The following FBN2 variants were observed in gnomAD, a reference collection of about 807,000 sequenced individuals.
FBN2 encodes the protein fibrillin-2.
Under a neutral mutation model 355.6 loss-of-function variants are expected in FBN2, and 105 were observed. The ratio of observed to expected loss-of-function variants is 0.30; its 90% confidence interval spans 0.25 to 0.35. The LOEUF (loss-of-function observed/expected upper bound fraction) is 0.35, where lower values mean the gene tolerates loss of function less well. Ranked by LOEUF, FBN2 falls within the 10% of genes least tolerant of loss-of-function variation. The pLI is 1.00. For synonymous variants in FBN2, 1,350 were observed against 1,301.2 expected, an observed-to-expected ratio of 1.04 and a Z score of -0.81; for missense variants, 3,280 against 3,758.7, an observed-to-expected ratio of 0.87 and a Z score of 3.33.
intron 59 of FBN2, among the ~76,000 whole-genome samples, chr5:128,275,119 A>T (rs938349721): frequency 1.3e-5 from 2 of 152,224 alleles, no homozygotes; most frequent in Non-Finnish European, 2.9e-5. Context: ...CATTCAGATG[A>T]AAACACGGGC....
intron 5 of FBN2, among the ~76,000 whole-genome samples, chr5:128,509,428 A>G (rs1017430801): frequency 1.3e-5 from 2 of 152,166 alleles, no homozygotes; most frequent in African/African-American, 4.8e-5. Context: ...TAGAAGTTCA[A>G]TTTGGATTCC....
At chr5:128,452,445 C>A (rs949724410) in intron 6 of FBN2, among the ~76,000 whole-genome samples, 1 of 152,050 alleles carries the variant, frequency 6.6e-6, no homozygotes, top group Admixed American at 6.6e-5. Context: ...TAGTTTATAA[C>A]CTCATTTATT....
At chr5:128,322,909 A>C (rs1233393147) in intron 34 of FBN2, among the ~76,000 whole-genome samples, 1 of 152,116 alleles carries the variant, frequency 6.6e-6, no homozygotes, top group Non-Finnish European at 1.5e-5. Context: ...ATGAGCATGG[A>C]ATGTTTTTCC....
Position 128,338,123 on chromosome 5 carries a change from C to A in FBN2, c.3473-1G>T. ...GGGTTACGTTCACATTCGTCAATGT[C>A]TGAAAGGTAAAAACGTGAGATCCAT... On this transcript the variant is annotated splice_acceptor_variant, in intron 26 of 64. Coordinates refer to ENST00000262464, the MANE Select transcript of FBN2 (RefSeq NM_001999.4). LOFTEE classifies it high-confidence loss of function. The A allele has an allele frequency of 6.2e-7, 1 of 1,613,848 alleles. No individual in the cohort carries two copies. The highest frequency in any genetic ancestry group is 8.5e-7 in the Non-Finnish European group (1 of 1,179,860).
At chr5:128,372,068 G>A (rs373933142) in intron 15 of FBN2, among the ~76,000 whole-genome samples, 2 of 152,004 alleles carry the variant, frequency 1.3e-5, no homozygotes, top group Non-Finnish European at 1.5e-5. Flanking sequence ...AACTTATTGC[G>A]CATTTGCTAT....
In FBN2 at chr5:128,441,159, A is replaced by G. The variant is rs138106761; in HGVS notation, c.952+5322T>C. ...GGGCAGACAGATGATGCTTTTTCCA[A>G]TCACGCAGCTTATAATCTCTACAGC... On this transcript the variant is annotated intron_variant, in intron 7 of 64. Transcript: ENST00000262464. Among the ~76,000 whole-genome samples, 30 of 152,286 alleles carry G rather than the reference A, an allele frequency of 2.0e-4. No homozygotes were observed. The East Asian group carries it at 5.6e-3, about 28-fold the overall frequency.
chr5:128,417,767 A>AT (rs748866385), intron 7 of FBN2, among the ~76,000 whole-genome samples: 4 of 151,580 alleles, frequency 2.6e-5, no homozygotes, highest in African/African-American at 4.9e-5. Context: ...TTTGTTGGGG[A>AT]TTTTTACGTC....
At chr5:128,382,199 A>G (rs1380913385) in intron 11 of FBN2, among the ~76,000 whole-genome samples, 4 of 152,068 alleles carry the variant, frequency 2.6e-5, no homozygotes, top group African/African-American at 9.7e-5. Flanking sequence ...CCCCCCAATT[A>G]CCAAATCCAA....
At chr5:128,480,027 T>TAC (rs1755132997) in intron 5 of FBN2, among the ~76,000 whole-genome samples, 7 of 98,612 alleles carry the variant, frequency 7.1e-5, no homozygotes, top group Non-Finnish European at 1.0e-4. Context: ...TATATATGTA[T>TAC]ATACACACAC....
intron 5 of FBN2, among the ~76,000 whole-genome samples, chr5:128,493,280 G>A (rs996681478): frequency 5.3e-5 from 8 of 152,178 alleles, no homozygotes; most frequent in Non-Finnish European, 7.3e-5. Context: ...GCTATGGGGT[G>A]AAAAGCGAAG....
chr5:128,407,161 T>A (rs1752947191), intron 8 of FBN2, among the ~76,000 whole-genome samples: 1 of 152,148 alleles, frequency 6.6e-6, no homozygotes, highest in African/African-American at 2.4e-5. Flanking sequence ...TAAATGGTAG[T>A]TCAGTGTCAC....
At chr5:128,392,321 G>A (rs377143673) in intron 10 of FBN2, among the ~76,000 whole-genome samples, 166 bp from the exon 11 acceptor site, 58 of 152,242 alleles carry the variant, frequency 3.8e-4, no homozygotes, top group African/African-American at 1.1e-3. Context: ...AAATATTACT[G>A]AGACACATGG....
Position 128,337,831 on chromosome 5 carries a change from A to C in FBN2, c.3598+166T>G, listed in dbSNP as rs141121777. Among the ~76,000 whole-genome samples, 533 of 152,344 alleles carry C rather than the reference A, an allele frequency of 3.5e-3. 3 individuals carry two copies. The highest frequency in any genetic ancestry group is 0.012 in the African/African-American group (513 of 41,578). On this transcript the variant is annotated intron_variant, in intron 27 of 64. Coordinates refer to ENST00000262464, the MANE Select transcript of FBN2 (RefSeq NM_001999.4). ...CCAGCTTATTCGAGTGTGTCACCCA[A>C]GCATCCACTAAAGACACAGCCTGCA...
intron 5 of FBN2, among the ~76,000 whole-genome samples, chr5:128,474,900 C>T (rs1258137854): frequency 3.9e-5 from 6 of 152,150 alleles, no homozygotes; most frequent in African/African-American, 1.4e-4. Context: ...TAGGGAAATG[C>T]TGAAAAGTTA....
rs917927095 is a variant in FBN2 at position 128,481,027 on chromosome 5, C to T, written c.629-16106G>A. Among the ~76,000 whole-genome samples, 21 of 152,122 alleles carry T rather than the reference C, an allele frequency of 1.4e-4. No individual in the cohort carries two copies. The East Asian group carries it at 2.7e-3, about 20-fold the overall frequency. ...TTCCAAGAAGTAATATACTTCCTCACGGAGTTATTTTCTCTATTATTCAAG... is the reference window on the plus strand; with the variant it reads ...TTCCAAGAAGTAATATACTTCCTCATGGAGTTATTTTCTCTATTATTCAAG... On this transcript the variant is annotated intron_variant, in intron 5 of 64. Coordinates refer to ENST00000262464, the MANE Select transcript of FBN2 (RefSeq NM_001999.4).
intron 39 of FBN2, among the ~76,000 whole-genome samples, chr5:128,310,990 G>A (rs1203501500): frequency 6.6e-6 from 1 of 151,998 alleles, no homozygotes; most frequent in Non-Finnish European, 1.5e-5. Flanking sequence ...TTTTTCCTAT[G>A]TAAAATGTAA....
intron 8 of FBN2, among the ~76,000 whole-genome samples, chr5:128,397,105 C>A (rs1460870387): frequency 1.3e-5 from 2 of 152,132 alleles, no homozygotes; most frequent in Non-Finnish European, 2.9e-5. Context: ...AAACCGAGCA[C>A]TAAATGTGAT....
At chr5:128,342,892 C>A (rs1581229587) in intron 25 of FBN2, among the ~76,000 whole-genome samples, 2 of 152,166 alleles carry the variant, frequency 1.3e-5, no homozygotes, top group Middle Eastern at 6.8e-3. Flanking sequence ...CCATGCCCGG[C>A]TAATTTTGTA....
At chr5:128,527,798 T>C in intron 4 of FBN2, 74 bp downstream of exon 4, 1 of 1,075,492 alleles carries the variant, frequency 9.3e-7, no homozygotes, top group Non-Finnish European at 1.4e-6. Flanking sequence ...ACAGGATTTA[T>C]GAGACCTTAA....
Sources: allele counts gnomAD v4.1 joint callset (sites outside exome capture counted in the v4.1 genomes callset), GRCh38; gene constraint gnomAD v4.1.1; transcripts MANE v1.5; gene names NCBI Gene and HGNC (gene_info 2026-07-23, HGNC 2026-07-21).